CEP126: variants seen among roughly 807,000 people sequenced by gnomAD.
CEP126 encodes the protein centrosomal protein of 126 kDa.
Under a neutral mutation model 107.8 loss-of-function variants are expected in CEP126, and 74 were observed. The ratio of observed to expected loss-of-function variants is 0.69; its 90% CI spans 0.57 to 0.83. The LOEUF (loss-of-function observed/expected upper bound fraction) is 0.83. CEP126 is among the 40% of genes least tolerant of loss of function. The pLI, the probability that CEP126 is intolerant of heterozygous loss-of-function variation, is 0.00. For synonymous variants in CEP126, 449 were observed against 446.0 expected (o/e 1.01, Z -0.08); for missense variants, 1,237 against 1,281.9 (o/e 0.96, Z 0.53).
At chr11:101,981,212 C>G (rs1941250899) in intron 7 of CEP126, among the ~76,000 whole-genome samples, 1 of 152,198 alleles carries the variant, frequency 6.6e-6, no homozygotes, top group African/African-American at 2.4e-5. Context: ...ATGCTTTTAG[C>G]TAATAGTTAT....
In CEP126 at chr11:101,997,869, C is replaced by G. The variant is rs1941461308; in HGVS notation, c.*226C>G. The G allele has an allele frequency of 3.8e-6, 2 of 530,000 alleles. No individual in the cohort carries two copies. Among genetic ancestry groups the G allele is most frequent in the Non-Finnish European group, 6.6e-6 (2 of 303,206 alleles). The allele number at this position is 530,000 out of a possible 1,614,324, so 32.8% of individuals were successfully genotyped here. ...ATACCATGAAAGACATTATGCCTGC[C>G]TAAACAAAAAGCAGGACATAACCTA... On this transcript the variant is annotated 3_prime_UTR_variant, in exon 11 of 11. Transcript: ENST00000263468.
intron 8 of CEP126, among the ~76,000 whole-genome samples, chr11:101,984,569 T>G (rs532672361): frequency 1.3e-5 from 2 of 152,318 alleles, no homozygotes; most frequent in African/African-American, 4.8e-5. Context: ...AATGGCATTG[T>G]TAACACTGAA....
chr11:101,993,098 T>A (rs1941404332), intron 10 of CEP126, among the ~76,000 whole-genome samples: 1 of 152,216 alleles, frequency 6.6e-6, no homozygotes, highest in Non-Finnish European at 1.5e-5. Context: ...TGTGCAGGTT[T>A]GTTAAATAAG....
Position 101,963,628 on chromosome 11 carries a change from T to G in CEP126, c.2593T>G (p.Cys865Gly). 6.2e-7 allele frequency: 1 copy of G among 1,614,140 alleles called. No homozygotes were observed. The highest frequency in any genetic ancestry group is 8.5e-7 in the Non-Finnish European group (1 of 1,180,010). ...AAGTAGTTCTCCACTCTCAAATGCT[T>G]GTTCTGACCTAGTCACTGTGATACC... ...QESSSPLSNA[C>G]SDLVTVIPSL... The change falls in exon 6 of 11, where the codon TGT becomes GGT. Residue 865 changes from cysteine (C) to glycine (G), a missense_variant. Coordinates refer to ENST00000263468, the MANE Select transcript of CEP126 (RefSeq NM_020802.4).
intron 1 of CEP126, among the ~76,000 whole-genome samples, chr11:101,919,531 C>T (rs1205406445): frequency 6.6e-6 from 1 of 151,824 alleles, no homozygotes; most frequent in Non-Finnish European, 1.5e-5. Flanking sequence ...CTTTACCATA[C>T]AGCTTGTATA....
rs558339988 is a variant in CEP126, at chr11:101,977,523, C to A, written c.2846-824C>A. ...GCATGCACCTGTAGCCCTAGCTACTCAGGAGGCTGAGGCAGGAGAATCACC... is the reference window on the plus strand; with the variant it reads ...GCATGCACCTGTAGCCCTAGCTACTAAGGAGGCTGAGGCAGGAGAATCACC... On this transcript the variant is annotated intron_variant, in intron 6 of 10. Transcript: ENST00000263468. 2.7e-5 allele frequency among the ~76,000 whole-genome samples: 4 copies of A among 149,164 alleles called. No homozygotes were observed. In the East Asian group the frequency reaches 8.0e-4, roughly 30 times the overall value.
intron 6 of CEP126, among the ~76,000 whole-genome samples, chr11:101,967,771 T>C (rs1360953720): frequency 2.0e-5 from 3 of 152,206 alleles, no homozygotes; most frequent in Admixed American, 2.0e-4. Context: ...AACAATATTA[T>C]GGCTAATGGA....
chr11:101,990,060 C>A (rs1941359737), intron 9 of CEP126, among the ~76,000 whole-genome samples: 1 of 152,182 alleles, frequency 6.6e-6, no homozygotes, highest in Non-Finnish European at 1.5e-5. Context: ...AGGTTCCATA[C>A]AAGCTGATAT....
In CEP126 at chr11:101,981,912, A is replaced by T; in HGVS notation, c.2982A>T (p.Leu994=). 4 of 1,589,670 alleles carry T rather than the reference A, an allele frequency of 2.5e-6. No homozygotes were observed. Among genetic ancestry groups the T allele is most frequent in the Non-Finnish European group, 3.4e-6 (4 of 1,165,462 alleles). Residue 994 remains leucine, a synonymous_variant, in exon 8 of 11, where the codon CTA becomes CTT. Coordinates refer to ENST00000263468, the MANE Select transcript of CEP126 (RefSeq NM_020802.4). ...AGAATTTTGGACAAAGTGTCCTGCT[A>T]AGTTCAAGTGAGCCAAAACAAACTA... is the stretch of plus-strand genomic sequence containing the variant. ...QINNFGQSVL[L]SSSEPKQTTR...
Position 101,981,943 on chromosome 11 carries a change from G to C in CEP126, c.3013G>C (p.Gly1005Arg), listed in dbSNP as rs766595119. 10 of 1,579,510 alleles carry C rather than the reference G, an allele frequency of 6.3e-6. No individual in the cohort carries two copies. The South Asian group carries it at 9.2e-5, about 15-fold the overall frequency. The change falls in exon 8 of 11, where the codon GGT becomes CGT. Residue 1005 changes from glycine to arginine, a missense_variant. Around this residue, in one of 3 missense-constraint regions of CEP126, gnomAD observed 4 missense variants for 17.0 expected, o/e 0.24. Transcript: ENST00000263468. ...AAGTGAGCCAAAACAAACTACAAGG[G>C]GTACTTCTTATATTGAAGAAGGTAT... The part of the protein sequence containing the change: ...SSSEPKQTTR[G>R]TSYIEEVSDS...
At chr11:101,924,517 G>T (rs1325850183) in intron 2 of CEP126, among the ~76,000 whole-genome samples, 3 of 152,062 alleles carry the variant, frequency 2.0e-5, no homozygotes. Context: ...TCAGGCTGGA[G>T]TACAGGGGCA....
intron 2 of CEP126, among the ~76,000 whole-genome samples, chr11:101,930,221 G>A (rs1182696227): frequency 1.3e-5 from 2 of 151,718 alleles, no homozygotes; most frequent in African/African-American, 4.8e-5. Context: ...AAGACCCCCA[G>A]GGATACCAAA....
intron 1 of CEP126, among the ~76,000 whole-genome samples, chr11:101,915,658 T>A (rs991563157): frequency 1.3e-5 from 2 of 152,214 alleles, no homozygotes; most frequent in Admixed American, 1.3e-4. Flanking sequence ...CTTTGTAAAA[T>A]TTTTGTGAAT....
intron 8 of CEP126, among the ~76,000 whole-genome samples, chr11:101,982,213 T>G (rs1941264408): frequency 6.6e-6 from 1 of 152,190 alleles, no homozygotes; most frequent in South Asian, 2.1e-4. Flanking sequence ...ATTTCCAGAA[T>G]TAAAATTACA....
At chr11:101,965,940 A>G (rs1365892989) in intron 6 of CEP126, among the ~76,000 whole-genome samples, 1 of 152,172 alleles carries the variant, frequency 6.6e-6, no homozygotes. Flanking sequence ...CACTCTGCTA[A>G]TTAGGAAAAA....
chr11:101,916,906 A>G (rs149139245), intron 1 of CEP126, among the ~76,000 whole-genome samples: 1 of 152,302 alleles, frequency 6.6e-6, no homozygotes, highest in Admixed American at 6.5e-5. Context: ...TTAGAATGAC[A>G]TTTCCTATAA....
chr11:101,949,969 T>C (rs1243777694), intron 4 of CEP126, among the ~76,000 whole-genome samples: 1 of 152,200 alleles, frequency 6.6e-6, no homozygotes, highest in Non-Finnish European at 1.5e-5. Flanking sequence ...CAAAAACCTC[T>C]TTCTTCTGTC....
intron 10 of CEP126, among the ~76,000 whole-genome samples, chr11:101,994,202 T>G (rs1263800451): frequency 6.6e-6 from 1 of 152,252 alleles, no homozygotes; most frequent in East Asian, 1.9e-4. Flanking sequence ...ACCATTGCAC[T>G]CCAGCCTGGG....
In CEP126 at chr11:101,952,098, G is replaced by A. The variant is rs77793298; in HGVS notation, c.506+3956G>A. 8.5e-3 allele frequency among the ~76,000 whole-genome samples: 1,295 copies of A among 152,240 alleles called. 23 individuals carry two copies. Among genetic ancestry groups the A allele is most frequent in the African/African-American group, 0.029 (1,222 of 41,532 alleles). The stretch of plus-strand genomic sequence containing the variant: ...GCCCGAAGTTAGATAGATGAGGAGG[G>A]TATTTATCTGAGACAAACACTGGGA... On this transcript the variant is annotated intron_variant, in intron 4 of 10. Transcript: ENST00000263468.
Sources: gnomAD v4.1 joint callset for allele counts (sites outside exome capture counted in the v4.1 genomes callset) on GRCh38, gnomAD v4.1.1 for gene constraint, gnomAD v4.1.1 regional missense constraint, MANE v1.5 for transcripts, NCBI Gene and HGNC (gene_info 2026-07-23, HGNC 2026-07-21) for gene names.